LARGE1: variants seen among roughly 807,000 people sequenced by gnomAD.
LARGE1 encodes xylosyl- and glucuronyltransferase LARGE1.
In LARGE1, 43 loss-of-function variants were observed where a neutral mutation model predicts 87.6. The observed-to-expected ratio is 0.49, with a 90% CI of 0.38 to 0.63. The LOEUF is 0.63. Ranked by LOEUF, LARGE1 falls within the 30% of genes least tolerant of loss-of-function variation. The pLI is 0.00. For synonymous variants in LARGE1, 434 were observed against 394.6 expected (o/e 1.10, Z -1.18); for missense variants, 802 against 1,000.2 (o/e 0.80, Z 2.67).
chr22:33,892,267 T>G (rs1243102802), intron 1 of LARGE1, among the ~76,000 whole-genome samples: 1 of 152,172 alleles, frequency 6.6e-6, no homozygotes, highest in African/African-American at 2.4e-5. Context: ...TAGACTGGGC[T>G]TGGTTTCTCA....
At chr22:33,252,951 T>C (rs1040219352) in intron 11 of LARGE1, among the ~76,000 whole-genome samples, 4 of 152,224 alleles carry the variant, frequency 2.6e-5, no homozygotes, top group African/African-American at 4.8e-5. Context: ...AATCAGACTC[T>C]TTCTCTCAGC....
At chr22:33,892,976 GAGA>G (rs1388944920) in intron 1 of LARGE1, among the ~76,000 whole-genome samples, 2 of 152,212 alleles carry the variant, frequency 1.3e-5, no homozygotes, top group African/African-American at 4.8e-5. Flanking sequence ...ATTAAAAAGG[GAGA>G]AGGTGAATAG....
At chr22:33,737,757 A>G (rs1239496108) in intron 2 of LARGE1, 1 of 152,218 alleles carries the variant, frequency 6.6e-6, no homozygotes, top group Non-Finnish European at 1.5e-5. Flanking sequence ...TGAAGGCATT[A>G]AAAATAACTG....
chr22:33,130,585 A>G, the LARGE1 span, among the ~76,000 whole-genome samples: 52 of 152,264 alleles, frequency 3.4e-4, 2 homozygotes, highest in East Asian at 8.5e-3. Flanking sequence ...GTTTCAGAAA[A>G]ACAAATGCCA....
intron 7 of LARGE1, among the ~76,000 whole-genome samples, chr22:33,391,599 C>T (rs2065523763): frequency 6.6e-6 from 1 of 152,114 alleles, no homozygotes; most frequent in Non-Finnish European, 1.5e-5. Context: ...GTAGCAAATA[C>T]TGTCCACCAC....
At chr22:33,533,815 A>T (rs977441274) in intron 6 of LARGE1, among the ~76,000 whole-genome samples, 22 of 151,974 alleles carry the variant, frequency 1.4e-4, no homozygotes, top group Non-Finnish European at 2.5e-4. Flanking sequence ...GCCTTTTTTA[A>T]AAAAAATGTA....
chr22:33,120,115 G>T, the LARGE1 span, among the ~76,000 whole-genome samples: 2 of 151,994 alleles, frequency 1.3e-5, no homozygotes, highest in South Asian at 4.1e-4. Flanking sequence ...GTAAAAAAAA[G>T]TATATTTTTT....
the LARGE1 span, among the ~76,000 whole-genome samples, chr22:33,089,313 CT>C: frequency 1.3e-3 from 142 of 106,238 alleles, no homozygotes; most frequent in South Asian, 2.9e-3. Flanking sequence ...TCTTCTTCTT[CT>C]TTCTTCTTTC....
chr22:33,262,543 T>A (rs1415054938), intron 11 of LARGE1, among the ~76,000 whole-genome samples: 1 of 152,150 alleles, frequency 6.6e-6, no homozygotes, highest in Non-Finnish European at 1.5e-5. Context: ...CTGTTTCCTC[T>A]GCTGGAAGAT....
chr22:33,393,517 T>C (rs2065605914), intron 7 of LARGE1, among the ~76,000 whole-genome samples: 1 of 152,248 alleles, frequency 6.6e-6, no homozygotes, highest in Non-Finnish European at 1.5e-5. Context: ...ATGGTTCCAT[T>C]TGAAACTGGA....
rs554786737 is a variant in LARGE1, at chr22:33,819,642, C to T, written c.-82-58084G>A. On this transcript the variant is annotated intron_variant, in intron 1 of 14. Transcript: ENST00000397394. ...GTTACCTTTATTAATTACCTAATCC[C>T]ACTAAATCCACCTCATTTAATCCCC... 3.3e-5 allele frequency among the ~76,000 whole-genome samples: 5 copies of T among 152,240 alleles called. No individual in the cohort carries two copies. The East Asian group carries it at 9.7e-4, about 29-fold the overall frequency.
chr22:33,731,194 G>A (rs961987609), intron 2 of LARGE1, among the ~76,000 whole-genome samples: 28 of 151,592 alleles, frequency 1.8e-4, no homozygotes, highest in African/African-American at 6.1e-4. Flanking sequence ...CAGTAGAGAC[G>A]GGGTTTCACC....
chr22:33,579,220 A>T (rs1027012225), intron 5 of LARGE1, among the ~76,000 whole-genome samples: 1 of 152,160 alleles, frequency 6.6e-6, no homozygotes, highest in Middle Eastern at 3.2e-3. Context: ...TGTGACAGTG[A>T]GTAAGTCTCA....
Position 33,648,431 on chromosome 22 carries a change from A to T in LARGE1, c.408+1936T>A, listed in dbSNP as rs896790265. Among the ~76,000 whole-genome samples the T allele has an allele frequency of 3.3e-5, 5 of 152,252 alleles. No individual in the cohort carries two copies. The South Asian group carries it at 6.2e-4, about 19-fold the overall frequency. ...TAGGTTCTATGTCATAATAGTGTAA[A>T]TACGCTTGGAGAAAAAATTTGCTCG... On this transcript the variant is annotated intron_variant, in intron 3 of 14. Transcript: ENST00000397394.
intron 11 of LARGE1, among the ~76,000 whole-genome samples, chr22:33,312,491 A>G (rs1935715728): frequency 6.6e-6 from 1 of 152,002 alleles, no homozygotes. Context: ...ACAAAGTGAC[A>G]GGGCAACAAA....
intron 5 of LARGE1, among the ~76,000 whole-genome samples, chr22:33,565,667 T>C (rs1399650489): frequency 2.0e-5 from 3 of 147,310 alleles, no homozygotes; most frequent in Non-Finnish European, 4.5e-5. Context: ...CTTCACCTCC[T>C]AGTCAAGGAG....
intron 1 of LARGE1, among the ~76,000 whole-genome samples, chr22:33,886,735 G>A (rs1240692010): frequency 1.3e-5 from 2 of 148,830 alleles, no homozygotes; most frequent in Admixed American, 1.3e-4. Flanking sequence ...GAAAAGAGAA[G>A]AGAAAAACAT....
chr22:33,551,267 T>C (rs2077515112), intron 6 of LARGE1, among the ~76,000 whole-genome samples: 1 of 152,194 alleles, frequency 6.6e-6, no homozygotes, highest in South Asian at 2.1e-4. Context: ...AACCCCGTAC[T>C]AAGGCAGATT....
intron 12 of LARGE1, among the ~76,000 whole-genome samples, chr22:33,286,804 A>C (rs1466472424): frequency 6.6e-6 from 1 of 152,218 alleles, no homozygotes; most frequent in Non-Finnish European, 1.5e-5. Context: ...TCAAGTTACT[A>C]TTATCATCAG....
Sources: gnomAD v4.1 joint callset for allele counts (sites outside exome capture counted in the v4.1 genomes callset) on GRCh38, gnomAD v4.1.1 for gene constraint, MANE v1.5 for transcripts, NCBI Gene and HGNC (gene_info 2026-07-23, HGNC 2026-07-21) for gene names.